The following SHROOM4 variants were observed in gnomAD, a reference collection of about 807,000 sequenced individuals.
SHROOM4 encodes the protein shroom family member 4.
SHROOM4 carries 17 observed loss-of-function variants against 80.3 expected under a neutral mutation model. That is an observed-to-expected ratio of 0.21 (90% confidence interval 0.14 to 0.32). The LOEUF (loss-of-function observed/expected upper bound fraction) is 0.32, where lower values mean the gene tolerates loss of function less well. SHROOM4 is among the 10% of genes least tolerant of loss of function. The pLI is 1.00. For synonymous variants in SHROOM4, 400 were observed against 437.5 expected (o/e 0.91, Z 1.07); for missense variants, 993 against 1,140.3 (o/e 0.87, Z 1.86).
intron 2 of SHROOM4, among the ~76,000 whole-genome samples, chrX:50,675,584 T>C (rs1395439088): frequency 9.0e-6 from 1 of 111,035 alleles, no homozygotes; most frequent in Non-Finnish European, 1.9e-5. Context: ...GGTACCTGTG[T>C]TTCTTGGCAA....
In SHROOM4 at chrX:50,790,164, T is replaced by C. The variant is rs1935826089; in HGVS notation, c.117+23738A>G. 2.7e-5 allele frequency among the ~76,000 whole-genome samples: 3 copies of C among 111,709 alleles called. No homozygotes were observed. The Admixed American group carries it at 2.8e-4, about 11-fold the overall frequency. Reference sequence around the variant, plus strand: ...CATTGATTGAAACATCATTATGAGATGCATGACTGTATATGCCAACAAACT... The same window carrying C: ...CATTGATTGAAACATCATTATGAGACGCATGACTGTATATGCCAACAAACT... On this transcript the variant is annotated intron_variant, in intron 1 of 8. Coordinates refer to ENST00000376020, the MANE Select transcript of SHROOM4 (RefSeq NM_020717.5).
rs192840751 is a variant in SHROOM4 at position 50,791,256 on chromosome X, A to G, written c.117+22646T>C. Reference sequence around the variant, plus strand: ...TACTTAGGAATAAATGTAACTAAGAAGGCAAAAGACTTGTATACTGAAAAC... The same window carrying G: ...TACTTAGGAATAAATGTAACTAAGAGGGCAAAAGACTTGTATACTGAAAAC... On this transcript the variant is annotated intron_variant, in intron 1 of 8. Transcript: ENST00000376020. Among the ~76,000 whole-genome samples, 115 of 111,896 alleles carry G rather than the reference A, an allele frequency of 1.0e-3. 1 individual carries two copies. Among genetic ancestry groups the G allele is most frequent in the African/African-American group, 3.5e-3 (109 of 30,871 alleles).
rs1557249589 is a variant in SHROOM4, at chrX:50,610,352, TCACA to T, written c.2958-2172_2958-2169del. On this transcript the variant is annotated intron_variant, in intron 5 of 8. Transcript: ENST00000376020. ...GGCATATTCTCTCTCTCTCTCTCTC[TCACA>T]CACACACACACACACACACACACAC... 9.1e-4 allele frequency among the ~76,000 whole-genome samples: 83 copies of T among 91,693 alleles called. No homozygotes were observed. In the East Asian group the frequency reaches 0.017, roughly 19 times the overall value. The allele number at this position is 91,693 out of a possible 115,157, so 79.6% of individuals were successfully genotyped here. A position where few individuals can be genotyped will look rare whatever the true frequency, so the allele number is the denominator to read the frequency against.
chrX:50,719,213 G>C (rs1557265217), intron 1 of SHROOM4, among the ~76,000 whole-genome samples: 1 of 111,763 alleles, frequency 8.9e-6, no homozygotes, highest in African/African-American at 3.3e-5. Context: ...CCTTCAAAGA[G>C]AAAGGACTTG....
At chrX:50,615,779 T>C (rs999332115) in intron 5 of SHROOM4, among the ~76,000 whole-genome samples, 10 of 110,119 alleles carry the variant, frequency 9.1e-5, no homozygotes, top group Non-Finnish European at 1.9e-5. Context: ...TTGGGGTTTG[T>C]GTGTGGTGGG....
Position 50,612,186 on chromosome X carries a change from TAAAAA to T in SHROOM4, c.2958-4007_2958-4003del, listed in dbSNP as rs782596447. On this transcript the variant is annotated intron_variant, in intron 5 of 8. Coordinates refer to ENST00000376020, the MANE Select transcript of SHROOM4 (RefSeq NM_020717.5). The stretch of plus-strand genomic sequence containing the variant: ...CAGATTAACCACTTGCTAATCTAAT[TAAAAA>T]AAAAACACCCAAATGCACAAAATTA... 1.4e-4 allele frequency among the ~76,000 whole-genome samples: 14 copies of T among 103,695 alleles called. 1 individual carries two copies. The Admixed American group carries it at 1.4e-3, about 11-fold the overall frequency. 90.0% of individuals were successfully genotyped at this position (103,695 alleles called of 115,157 possible). A position where few individuals can be genotyped will look rare whatever the true frequency, so the allele number is the denominator to read the frequency against.
intron 2 of SHROOM4, among the ~76,000 whole-genome samples, chrX:50,640,144 T>C (rs1032128917): frequency 1.8e-5 from 2 of 111,947 alleles, no homozygotes; most frequent in East Asian, 5.6e-4. Flanking sequence ...TTGTCAAGCA[T>C]CTACCAGTAG....
At chrX:50,739,010 C>A (rs1557266960) in intron 1 of SHROOM4, among the ~76,000 whole-genome samples, 1 of 110,877 alleles carries the variant, frequency 9.0e-6, no homozygotes, top group East Asian at 2.8e-4. Context: ...AGAACAGAGC[C>A]CTCAGAAATA....
At chrX:50,576,450 C>T in the SHROOM4 span, among the ~76,000 whole-genome samples, 1 of 111,928 alleles carries the variant, frequency 8.9e-6, no homozygotes, top group African/African-American at 3.2e-5. Context: ...CATTCAGAGT[C>T]CTCCTACGGT....
At chrX:50,810,940 G>C (rs782308731) in intron 1 of SHROOM4, among the ~76,000 whole-genome samples, 1 of 111,795 alleles carries the variant, frequency 8.9e-6, no homozygotes, top group Non-Finnish European at 1.9e-5. Context: ...TAGTAACACT[G>C]TATGCAAATG....
chrX:50,656,965 A>G (rs1384110838), intron 2 of SHROOM4, among the ~76,000 whole-genome samples: 1 of 110,891 alleles, frequency 9.0e-6, no homozygotes, highest in Non-Finnish European at 1.9e-5. Context: ...TTTTTAGTAT[A>G]CAGATTTTTA....
At chrX:50,662,620 G>T (rs1245574199) in intron 2 of SHROOM4, among the ~76,000 whole-genome samples, 2 of 111,567 alleles carry the variant, frequency 1.8e-5, no homozygotes, top group Non-Finnish European at 3.8e-5. Flanking sequence ...ATTTCCAAAG[G>T]GCTTATGTAT....
At chrX:50,583,100 T>C, downstream of SHROOM4, among the ~76,000 whole-genome samples, 1 of 109,406 alleles carries the variant, frequency 9.1e-6, no homozygotes, top group Admixed American at 1.0e-4. Context: ...AAAGTGAATA[T>C]TAAAATATTA....
chrX:50,602,656 C>T lies in SHROOM4; in HGVS notation c.3919G>A (p.Asp1307Asn), dbSNP rs138240622. Residue 1307 changes from aspartate to asparagine, a missense_variant, in exon 7 of 9, where the codon GAC (aspartate) becomes AAC (asparagine). Asp to Asn is a conservative substitution (Grantham distance 23, BLOSUM62 1). Transcript: ENST00000376020. Reference sequence around the variant, plus strand: ...ACCTTTTTTTGAGCCAGTTCATGGTCAACTTCCTCCTCTCCTAGGCCAATC... The same window carrying T: ...ACCTTTTTTTGAGCCAGTTCATGGTTAACTTCCTCCTCTCCTAGGCCAATC... The part of the protein sequence containing the change: ...AEIGLGEEEV[D>N]HELAQKKIQL... The T allele has an allele frequency of 4.4e-5, 53 of 1,209,551 alleles. No individual in the cohort carries two copies. The highest frequency in any genetic ancestry group is 2.5e-4 in the South Asian group (14 of 56,750).
chrX:50,609,548 A>G (rs1929853967), intron 5 of SHROOM4, among the ~76,000 whole-genome samples: 2 of 110,709 alleles, frequency 1.8e-5, no homozygotes, highest in African/African-American at 6.6e-5. Flanking sequence ...TTCCCCCAAA[A>G]AGGAGATAAA....
At chrX:50,647,180 T>A (rs1931873884) in intron 2 of SHROOM4, among the ~76,000 whole-genome samples, 1 of 111,698 alleles carries the variant, frequency 9.0e-6, no homozygotes, top group Non-Finnish European at 1.9e-5. Context: ...ATATATAGTG[T>A]GATAAAACAT....
At chrX:50,611,144 C>CTTTTTTTTTTTTTTTTTTTT (rs782473243) in intron 5 of SHROOM4, among the ~76,000 whole-genome samples, 4 of 68,218 alleles carry the variant, frequency 5.9e-5, no homozygotes, top group African/African-American at 1.2e-4. Context: ...TTCTTTTTTT[C>CTTTTTTTTTTTTTTTTTTTT]TTTTTTTTTT....
intron 3 of SHROOM4, among the ~76,000 whole-genome samples, chrX:50,636,082 G>A (rs781884158): frequency 9.0e-6 from 1 of 111,019 alleles, no homozygotes; most frequent in Non-Finnish European, 1.9e-5. Context: ...GTTTTAGCCG[G>A]ACCATTTTGT....
At position 50,633,231 on chromosome X, in the gene SHROOM4, C is replaced by T. The variant is rs782668786; in HGVS notation, c.2842G>A (p.Asp948Asn). ...YHNPQHSALE[D>N]SSLAPGNTWK... is the part of the protein sequence containing the mutation. The stretch of plus-strand genomic sequence containing the variant: ...GTGTTGCCAGGTGCCAAGCTGCTGT[C>T]CTCGAGGGCACTGTGCTGAGGATTA... The change falls in exon 4 of 9, where the codon GAC becomes AAC. Residue 948 changes from aspartate (D) to asparagine (N), a missense_variant. Asp to Asn is a conservative substitution (Grantham distance 23). Transcript: ENST00000376020. 11 of 1,209,831 alleles carry T rather than the reference C, an allele frequency of 9.1e-6. No individual in the cohort carries two copies. Among genetic ancestry groups the T allele is most frequent in the African/African-American group, 1.7e-5 (1 of 57,176 alleles).
Sources: allele counts gnomAD v4.1 joint callset (sites outside exome capture counted in the v4.1 genomes callset), GRCh38; gene constraint gnomAD v4.1.1; transcripts MANE v1.5; gene names NCBI Gene and HGNC (gene_info 2026-07-23, HGNC 2026-07-21).